The following GULP1 variants were observed in gnomAD, a reference collection of about 807,000 sequenced individuals.
GULP1 encodes GULP PTB domain containing engulfment adaptor 1, also known as PTB domain-containing engulfment adapter protein 1.
GULP1 carries 19 observed loss-of-function variants against 40.9 expected under a neutral mutation model. The ratio of observed to expected loss-of-function variants is 0.46; its 90% CI spans 0.32 to 0.68. GULP1 has a LOEUF of 0.68. GULP1 is among the 30% of genes least tolerant of loss of function. The probability of loss-of-function intolerance (pLI) is 0.03; values close to 1 mark genes in which losing one functional copy is unlikely to be tolerated. For synonymous variants in GULP1, 119 were observed against 117.6 expected (o/e 1.01, Z -0.08); for missense variants, 312 against 362.2 (o/e 0.86, Z 1.12).
intron 2 of GULP1, among the ~76,000 whole-genome samples, chr2:188,451,768 C>T (rs1199933523): frequency 1.3e-5 from 2 of 148,814 alleles, no homozygotes; most frequent in East Asian, 2.0e-4. Context: ...CCAGATTATA[C>T]TAGGAAAATA....
At chr2:188,445,857 T>A (rs1002631284) in intron 2 of GULP1, among the ~76,000 whole-genome samples, 2 of 152,164 alleles carry the variant, frequency 1.3e-5, no homozygotes, top group African/African-American at 4.8e-5. Context: ...TTATAGATGG[T>A]TGGGGAAAGG....
intron 1 of GULP1, chr2:188,297,585 C>G (rs774168940): frequency 4.7e-6 from 2 of 427,596 alleles, no homozygotes; most frequent in Non-Finnish European, 9.3e-6. Context: ...CCTGGGGGAA[C>G]CATGGATGGC....
intron 6 of GULP1, among the ~76,000 whole-genome samples, chr2:188,535,967 A>T (rs916054917): frequency 1.3e-5 from 2 of 151,766 alleles, no homozygotes; most frequent in Non-Finnish European, 2.9e-5. Context: ...CATTTTTTTC[A>T]TGTTTATTTG....
chr2:188,518,771 C>A (rs1407533282), intron 4 of GULP1, among the ~76,000 whole-genome samples: 1 of 152,140 alleles, frequency 6.6e-6, no homozygotes, highest in Non-Finnish European at 1.5e-5. Flanking sequence ...CCCTCATAAA[C>A]AACTTGTAGT....
chr2:188,420,714 G>A (rs2055280654), intron 2 of GULP1, among the ~76,000 whole-genome samples: 1 of 152,196 alleles, frequency 6.6e-6, no homozygotes, highest in Non-Finnish European at 1.5e-5. Context: ...TAGAATGTGG[G>A]AGTGCATGCT....
At chr2:188,352,553 T>C (rs2044599576) in intron 1 of GULP1, among the ~76,000 whole-genome samples, 1 of 151,446 alleles carries the variant, frequency 6.6e-6, no homozygotes, top group African/African-American at 2.4e-5. Flanking sequence ...CTTAAAATTT[T>C]TCTCTCTCTC....
At chr2:188,496,946 G>A (rs762490967) in intron 4 of GULP1, among the ~76,000 whole-genome samples, 1 of 151,708 alleles carries the variant, frequency 6.6e-6, no homozygotes, top group Non-Finnish European at 1.5e-5. Context: ...CTTCCCTTTC[G>A]CCTTTCACCA....
chr2:188,389,919 G>T (rs1010941816), intron 2 of GULP1, among the ~76,000 whole-genome samples: 3 of 151,512 alleles, frequency 2.0e-5, no homozygotes, highest in African/African-American at 7.3e-5. Flanking sequence ...ATGGCCTTGA[G>T]CTCCATCCAA....
intron 4 of GULP1, among the ~76,000 whole-genome samples, chr2:188,511,382 G>T (rs1046485731): frequency 2.6e-5 from 4 of 152,144 alleles, no homozygotes; most frequent in African/African-American, 9.6e-5. Flanking sequence ...AGTGAGAAAT[G>T]AATTGTGAAG....
intron 2 of GULP1, among the ~76,000 whole-genome samples, chr2:188,453,852 T>A (rs890351220): frequency 6.6e-6 from 1 of 152,208 alleles, no homozygotes; most frequent in African/African-American, 2.4e-5. Context: ...GGAAAAGATA[T>A]TCTAGGTTAC....
intron 1 of GULP1, among the ~76,000 whole-genome samples, chr2:188,352,250 G>A (rs962489260): frequency 2.0e-4 from 30 of 152,210 alleles, no homozygotes; most frequent in African/African-American, 7.2e-4. Context: ...ATGTGGGTGG[G>A]CCTCGTTCAA....
rs149474192 is a variant in GULP1 at position 188,326,069 on chromosome 2, C to G, written c.-172+33903C>G. 1.2e-3 allele frequency among the ~76,000 whole-genome samples: 187 copies of G among 152,142 alleles called. 2 individuals carry two copies. The highest frequency in any genetic ancestry group is 4.3e-3 in the African/African-American group (180 of 41,516). ...TACCAGAGTGGGTTTTTAGTACTTC[C>G]TGACTGCTTTAAATGATGATTAACC... On this transcript the variant is annotated intron_variant, in intron 1 of 11. Transcript: ENST00000409830.
chr2:188,454,074 G>T (rs368751010), intron 2 of GULP1, among the ~76,000 whole-genome samples: 3 of 152,298 alleles, frequency 2.0e-5, no homozygotes, highest in African/African-American at 7.2e-5. Context: ...CAGGCCTGCC[G>T]CTGGAGGTAC....
chr2:188,454,365 A>G (rs2059084816), intron 2 of GULP1, among the ~76,000 whole-genome samples: 1 of 152,176 alleles, frequency 6.6e-6, no homozygotes, highest in South Asian at 2.1e-4. Flanking sequence ...GTGAGTATGC[A>G]AAAAGGTTAA....
intron 1 of GULP1, among the ~76,000 whole-genome samples, chr2:188,295,592 T>C (rs937675368): frequency 5.3e-5 from 8 of 152,164 alleles, no homozygotes; most frequent in Non-Finnish European, 7.4e-5. Context: ...GCTACAGTCA[T>C]GGATGTTTAA....
chr2:188,461,343 A>C (rs1475762261), intron 2 of GULP1, among the ~76,000 whole-genome samples: 1 of 128,216 alleles, frequency 7.8e-6, no homozygotes, highest in Non-Finnish European at 1.6e-5. Context: ...TTTTTGAGGC[A>C]GAGTTTTGCT....
intron 11 of GULP1, chr2:188,589,475 G>T: frequency 3.7e-6 from 1 of 270,260 alleles, no homozygotes; most frequent in Non-Finnish European, 6.9e-6. Context: ...TTATGTGGTA[G>T]TATTTATTCT....
chr2:188,482,483 T>C (rs1416522997), intron 3 of GULP1, among the ~76,000 whole-genome samples: 1 of 151,720 alleles, frequency 6.6e-6, no homozygotes, highest in African/African-American at 2.4e-5. Flanking sequence ...CCGTGAAAAA[T>C]AAGATACGTA....
At chr2:188,307,569 G>C (rs984536788) in intron 1 of GULP1, among the ~76,000 whole-genome samples, 1 of 146,976 alleles carries the variant, frequency 6.8e-6, no homozygotes, top group Middle Eastern at 3.3e-3. Flanking sequence ...AGTTCACATG[G>C]GTCAATAGTT....
Sources: allele counts gnomAD v4.1 joint callset (sites outside exome capture counted in the v4.1 genomes callset), GRCh38; gene constraint gnomAD v4.1.1; transcripts MANE v1.5; gene names NCBI Gene and HGNC (gene_info 2026-07-23, HGNC 2026-07-21).